Variants in CRACDL observed in about 807,000 individuals in gnomAD.
CRACDL encodes the protein CRACD-like protein.
A neutral mutation model predicts 70.6 loss-of-function variants in CRACDL; 26 were observed. That is an observed-to-expected ratio of 0.37 (90% confidence interval 0.27 to 0.51). CRACDL has a LOEUF of 0.51. Ranked by LOEUF, CRACDL falls within the 20% of genes least tolerant of loss-of-function variation. CRACDL has a pLI of 0.94. For synonymous variants in CRACDL, 618 were observed against 615.2 expected, an observed-to-expected ratio of 1.00 and a Z score of -0.07; for missense variants, 1,283 against 1,376.9, an observed-to-expected ratio of 0.93 and a Z score of 1.08.
chr2:98,906,511 C>A (rs924540652), intron 1 of CRACDL, among the ~76,000 whole-genome samples: 8 of 150,886 alleles, frequency 5.3e-5, no homozygotes, highest in African/African-American at 2.0e-4. Context: ...ATCCGCCTGC[C>A]TCGGCCTCCC....
rs555701910 is a variant in CRACDL at position 98,823,257 on chromosome 2, G to A, written c.1016C>T (p.Pro339Leu). 5.9e-5 allele frequency: 83 copies of A among 1,406,040 alleles called. No homozygotes were observed. The African/African-American group carries it at 1.1e-3, about 19-fold the overall frequency. The allele number at this position is 1,406,040 out of a possible 1,614,324, so 87.1% of individuals were successfully genotyped here. The change falls in exon 7 of 10, where the codon CCG (proline) becomes CTG (leucine). Residue 339 changes from proline (P) to leucine (L), a missense_variant. This residue lies in a region of CRACDL where 362 missense variants were observed against 495.0 expected (regional missense o/e 0.73). Transcript: ENST00000397899. The surrounding 1 kb of genome is among the most constrained non-coding windows in gnomAD (Gnocchi z 4.0). ...GEDPSSRPATPELAEPESAPT... is the reference protein window; with the variant it reads ...GEDPSSRPATLELAEPESAPT... The stretch of plus-strand genomic sequence containing the variant: ...GGCCGACTCGGGCTCGGCGAGCTCC[G>A]GGGTGGCCGGGCGGCTTGAGGGGTC...
intron 3 of CRACDL, among the ~76,000 whole-genome samples, chr2:98,833,856 T>G (rs1484053290): frequency 3.3e-5 from 5 of 152,170 alleles, no homozygotes; most frequent in Admixed American, 3.3e-4. Context: ...ACTTCCCTCC[T>G]GCCACTCCCC....
intron 1 of CRACDL, among the ~76,000 whole-genome samples, chr2:98,858,932 T>C (rs569111059): frequency 2.6e-5 from 4 of 152,310 alleles, no homozygotes; most frequent in African/African-American, 7.2e-5. Flanking sequence ...CTACTGAATC[T>C]AAGCCAATAA....
chr2:98,823,058 G>A lies in CRACDL; in HGVS notation c.1215C>T (p.Ala405=), dbSNP rs1405429339. 1.9e-6 allele frequency: 3 copies of A among 1,567,640 alleles called. No individual in the cohort carries two copies. Among genetic ancestry groups the A allele is most frequent in the African/African-American group, 2.8e-5 (2 of 70,976 alleles). ...GGGGAGTCGTGTCCCCCTCAGGGAT[G>A]GCGGTGGGAAACGGGCTCGCGACGT... The part of the protein sequence containing the change: ...PEDVASPFPT[A]IPEGDTTPPE... The change falls in exon 7 of 10, where the codon GCC becomes GCT. Residue 405 remains alanine (A), a synonymous_variant. Coordinates refer to ENST00000397899, the MANE Select transcript of CRACDL (RefSeq NM_207362.3). This position sits in a 1 kb window ranked among gnomAD's most constrained non-coding sequence, Gnocchi z 4.0.
intron 7 of CRACDL, among the ~76,000 whole-genome samples, chr2:98,799,491 G>A (rs1384211308): frequency 1.3e-5 from 2 of 152,050 alleles, no homozygotes; most frequent in African/African-American, 4.8e-5. Flanking sequence ...GCCTCCACCT[G>A]ACTGGCCCCC....
In CRACDL at chr2:98,794,423, G is replaced by A. The variant is rs1559194374; in HGVS notation, c.*109C>T. On this transcript the variant is annotated 3_prime_UTR_variant, in exon 10 of 10. Coordinates refer to ENST00000397899, the MANE Select transcript of CRACDL (RefSeq NM_207362.3). The stretch of plus-strand genomic sequence containing the variant: ...TTCCCCAAGTTCGTCATAACTTGAT[G>A]ATAAAATCAATCTTTAAGTTTCACA... 9 of 1,041,738 alleles carry A rather than the reference G, an allele frequency of 8.6e-6. No homozygotes were observed. The East Asian group carries it at 1.7e-4, about 20-fold the overall frequency. The allele number at this position is 1,041,738 out of a possible 1,614,324, so 64.5% of individuals were successfully genotyped here.
chr2:98,924,886 C>T (rs923467416), intron 1 of CRACDL, among the ~76,000 whole-genome samples: 10 of 152,264 alleles, frequency 6.6e-5, no homozygotes, highest in Non-Finnish European at 1.2e-4. Flanking sequence ...TACAACATAT[C>T]TGCCATTTCC....
chr2:98,887,040 A>C (rs1707815961), intron 1 of CRACDL, among the ~76,000 whole-genome samples: 1 of 152,222 alleles, frequency 6.6e-6, no homozygotes, highest in Non-Finnish European at 1.5e-5. Context: ...AAAGAGAACC[A>C]ATAGAAGGTC....
At chr2:98,926,825 C>T (rs112946243) in intron 1 of CRACDL, among the ~76,000 whole-genome samples, 33 of 152,292 alleles carry the variant, frequency 2.2e-4, no homozygotes, top group Non-Finnish European at 4.4e-4. Context: ...ACGCCTGCAG[C>T]GAAGGGTTGC....
chr2:98,828,740 A>G (rs1705418294), intron 5 of CRACDL, among the ~76,000 whole-genome samples: 1 of 152,226 alleles, frequency 6.6e-6, no homozygotes, highest in Non-Finnish European at 1.5e-5. Flanking sequence ...AGTGGACATA[A>G]TCTATTTGAA....
chr2:98,899,561 A>G (rs952779125), intron 1 of CRACDL, among the ~76,000 whole-genome samples: 30 of 152,284 alleles, frequency 2.0e-4, no homozygotes, highest in African/African-American at 7.2e-4. Flanking sequence ...AGGCAAGGGG[A>G]GTGCCCTAGC....
intron 1 of CRACDL, among the ~76,000 whole-genome samples, chr2:98,935,570 TGG>T (rs1235605060): frequency 6.6e-6 from 1 of 152,178 alleles, no homozygotes; most frequent in East Asian, 1.9e-4. Context: ...GTGGAGACAG[TGG>T]GCATAAAGAC....
chr2:98,887,690 A>T (rs1328229712), intron 1 of CRACDL, among the ~76,000 whole-genome samples: 1 of 152,228 alleles, frequency 6.6e-6, no homozygotes, highest in Non-Finnish European at 1.5e-5. Flanking sequence ...ACTCAAAGAG[A>T]TCGACACCTA....
chr2:98,905,108 G>T (rs1052850367), intron 1 of CRACDL, among the ~76,000 whole-genome samples: 1 of 151,896 alleles, frequency 6.6e-6, no homozygotes, highest in African/African-American at 2.4e-5. Context: ...AATTTAGCCG[G>T]GCATAGTGGC....
rs151299924 is a variant in CRACDL at position 98,800,614 on chromosome 2, C to A, written c.2417-3077G>T. On this transcript the variant is annotated intron_variant, in intron 7 of 9. Transcript: ENST00000397899. ...CAGGGTCCCTAGACACTACCTCCTC[C>A]ATGAAGTCTGTTCTGGTCAGTCTCT... 3.6e-3 allele frequency among the ~76,000 whole-genome samples: 547 copies of A among 152,286 alleles called. 1 individual carries two copies. Among genetic ancestry groups the A allele is most frequent in the Non-Finnish European group, 5.0e-3 (343 of 68,018 alleles).
chr2:98,854,204 C>G (rs1195938309), intron 1 of CRACDL, among the ~76,000 whole-genome samples: 1 of 147,786 alleles, frequency 6.8e-6, no homozygotes, highest in Non-Finnish European at 1.5e-5. Context: ...GTGCGTGAAC[C>G]CGGGAGGCAG....
At chr2:98,858,530 A>AG (rs1050583840) in intron 1 of CRACDL, among the ~76,000 whole-genome samples, 3 of 151,468 alleles carry the variant, frequency 2.0e-5, no homozygotes, top group African/African-American at 7.2e-5. Context: ...AAAAAAAAAA[A>AG]AAGAAGAAGA....
At chr2:98,847,339 A>AATGGCTACCTAATATTTTG (rs1469163287) in intron 1 of CRACDL, among the ~76,000 whole-genome samples, 1 of 152,250 alleles carries the variant, frequency 6.6e-6, no homozygotes, top group African/African-American at 2.4e-5. Context: ...GTGTTATTTT[A>AATGGCTACCTAATATTTTG]ATGGCTACCT....
chr2:98,910,318 G>A (rs890714365), intron 1 of CRACDL, among the ~76,000 whole-genome samples: 3 of 152,144 alleles, frequency 2.0e-5, no homozygotes, highest in East Asian at 1.9e-4. Flanking sequence ...CCAGGAGTTC[G>A]AGACCAGCCT....
Sources: allele counts gnomAD v4.1 joint callset (sites outside exome capture counted in the v4.1 genomes callset), GRCh38; gene constraint gnomAD v4.1.1; regional missense constraint gnomAD v4.1.1; non-coding constraint Gnocchi (gnomAD v3.1); transcripts MANE v1.5; gene names NCBI Gene and HGNC (gene_info 2026-07-23, HGNC 2026-07-21).